Variants in TRPS1 observed in about 807,000 individuals in gnomAD.
TRPS1 encodes zinc finger transcription factor Trps1.
A neutral mutation model predicts 101.2 loss-of-function variants in TRPS1; 6 were observed. The observed-to-expected ratio is 0.06, with a 90% CI of 0.03 to 0.12. The LOEUF (loss-of-function observed/expected upper bound fraction) is 0.12, where lower values mean the gene tolerates loss of function less well. Among genes scored for constraint, TRPS1 ranks in the 10% least tolerant of loss-of-function variants. The pLI is 1.00. For missense variants in TRPS1, 1,363 were observed against 1,567.0 expected, an observed-to-expected ratio of 0.87 and a Z score of 2.20; for synonymous variants, 578 against 589.8, an observed-to-expected ratio of 0.98 and a Z score of 0.29.
At chr8:115,548,801 TTCTCAGTATA>T (rs1197937731) in intron 5 of TRPS1, among the ~76,000 whole-genome samples, 1 of 152,244 alleles carries the variant, frequency 6.6e-6, no homozygotes, top group Non-Finnish European at 1.5e-5. Flanking sequence ...ATGAAAAATA[TTCTCAGTATA>T]ATCTGTGCTG....
At chr8:115,415,469 A>G (rs1029191362) in intron 6 of TRPS1, among the ~76,000 whole-genome samples, 2 of 152,194 alleles carry the variant, frequency 1.3e-5, no homozygotes, top group African/African-American at 4.8e-5. Flanking sequence ...GCCAGCATAT[A>G]AGAGTAACAC....
chr8:115,487,803 T>C (rs1011101154), intron 5 of TRPS1, among the ~76,000 whole-genome samples: 1 of 152,126 alleles, frequency 6.6e-6, no homozygotes, highest in Non-Finnish European at 1.5e-5. Context: ...AAAAAAGTGG[T>C]TTCTAAGAAG....
chr8:115,619,777 T>C lies in TRPS1; in HGVS notation c.321A>G (p.Gly107=). 3 of 1,614,210 alleles carry C rather than the reference T, an allele frequency of 1.9e-6. No individual in the cohort carries two copies. Among genetic ancestry groups the C allele is most frequent in the Non-Finnish European group, 2.5e-6 (3 of 1,180,022 alleles). The change falls in exon 3 of 7, where the codon GGA becomes GGG. Residue 107 remains glycine (G), a synonymous_variant. Coordinates refer to ENST00000395715, the MANE Select transcript of TRPS1 (RefSeq NM_014112.5). ...CATGCGGAAAGGAGGGAAAGTTTCC[T>C]CCCTTACTGGGGCTTTCATAATTGA... ...AGFNYESPSK[G]GNFPSFPHDE...
At chr8:115,647,040 A>C (rs539184830) in intron 1 of TRPS1, among the ~76,000 whole-genome samples, 1 of 152,186 alleles carries the variant, frequency 6.6e-6, no homozygotes, top group South Asian at 2.1e-4. Context: ...CGAAGAAATC[A>C]AGAGATAAAT....
At chr8:115,538,179 A>G (rs1816367401) in intron 5 of TRPS1, among the ~76,000 whole-genome samples, 1 of 152,342 alleles carries the variant, frequency 6.6e-6, no homozygotes, top group South Asian at 2.1e-4. Flanking sequence ...AGACAAGGAT[A>G]GACGGATTAG....
At chr8:115,658,203 T>C (rs1026892207) in intron 1 of TRPS1, among the ~76,000 whole-genome samples, 3 of 151,996 alleles carry the variant, frequency 2.0e-5, no homozygotes, top group African/African-American at 7.2e-5. Context: ...AAGGAAGAAA[T>C]CTAGTTGTGC....
intron 1 of TRPS1, among the ~76,000 whole-genome samples, chr8:115,662,414 C>T (rs973259287): frequency 3.3e-5 from 5 of 151,820 alleles, no homozygotes; most frequent in African/African-American, 9.7e-5. Context: ...AGATTTAAAC[C>T]TCAGGAACAA....
intron 5 of TRPS1, among the ~76,000 whole-genome samples, chr8:115,517,044 T>C (rs1266701897): frequency 1.3e-5 from 2 of 151,598 alleles, no homozygotes; most frequent in Non-Finnish European, 1.5e-5. Flanking sequence ...ACATTGCTAA[T>C]GCAAGAAGTA....
rs1812981954 is a variant in TRPS1, at chr8:115,418,708, G to A, written c.2701-256C>T. 6.6e-6 allele frequency among the ~76,000 whole-genome samples: 1 copy of A among 152,148 alleles called. No individual in the cohort carries two copies. The highest frequency in any genetic ancestry group is 1.5e-5 in the Non-Finnish European group (1 of 68,026). On this transcript the variant is annotated intron_variant, in intron 5 of 6. Transcript: ENST00000395715. This position sits in a 1 kb window ranked among gnomAD's most constrained non-coding sequence, Gnocchi z 4.3. ...ACAGCTTTAACTTTTTGAACTTTGG[G>A]TTTTATGGCTTTAATGATGGCTCCT...
At chr8:115,637,201 GAGA>G (rs1245210266) in intron 1 of TRPS1, 1 of 949,084 alleles carries the variant, frequency 1.1e-6, no homozygotes, top group Non-Finnish European at 1.3e-6. Flanking sequence ...TCAAGAAACA[GAGA>G]AGAAGCTAGG....
At chr8:115,583,973 C>G (rs1270975424) in intron 5 of TRPS1, among the ~76,000 whole-genome samples, 8 of 151,852 alleles carry the variant, frequency 5.3e-5, no homozygotes. Context: ...TCTTGTGATT[C>G]TTATATTTCC....
At chr8:115,544,897 G>C (rs537017607) in intron 5 of TRPS1, among the ~76,000 whole-genome samples, 1 of 151,824 alleles carries the variant, frequency 6.6e-6, no homozygotes, top group African/African-American at 2.4e-5. Flanking sequence ...AAAAAAGCAA[G>C]ATATAACTTT....
At position 115,475,266 on chromosome 8, in the gene TRPS1, T is replaced by TTATATATATATATA. The variant is rs33922102; in HGVS notation, c.2701-56828_2701-56815dup. On this transcript the variant is annotated intron_variant, in intron 5 of 6. Coordinates refer to ENST00000395715, the MANE Select transcript of TRPS1 (RefSeq NM_014112.5). ...TTTACTATATATTTTTGAATCACAGTTATATATATATATATATATATATAT... is the reference window on the plus strand; with the variant it reads ...TTTACTATATATTTTTGAATCACAGTTATATATATATATATATATATATATATATATATATATAT... 3.3e-3 allele frequency among the ~76,000 whole-genome samples: 410 copies of TTATATATATATATA among 123,914 alleles called. 10 individuals are homozygous for TTATATATATATATA. Among genetic ancestry groups the TTATATATATATATA allele is most frequent in the African/African-American group, 0.013 (383 of 28,856 alleles). 81.3% of individuals were successfully genotyped at this position (123,914 alleles called of 152,430 possible). A position where few individuals can be genotyped will look rare whatever the true frequency, so the allele number is the denominator to read the frequency against.
intron 1 of TRPS1, among the ~76,000 whole-genome samples, chr8:115,641,383 T>C (rs1185718039): frequency 6.6e-6 from 1 of 152,214 alleles, no homozygotes; most frequent in Non-Finnish European, 1.5e-5. Context: ...GCAAATACAC[T>C]AGTGGGTGCC....
intron 5 of TRPS1, among the ~76,000 whole-genome samples, chr8:115,440,590 A>C (rs1048338491): frequency 6.6e-6 from 1 of 152,258 alleles, no homozygotes; most frequent in African/African-American, 2.4e-5. Flanking sequence ...ATAGATGTTT[A>C]CATTTCTATA....
intron 4 of TRPS1, among the ~76,000 whole-genome samples, chr8:115,593,265 T>C (rs1817717209): frequency 1.3e-5 from 2 of 152,240 alleles, no homozygotes; most frequent in African/African-American, 4.8e-5. Context: ...TATCATTGTT[T>C]GGAGATTGTC....
At chr8:115,562,688 G>A (rs954211792) in intron 5 of TRPS1, among the ~76,000 whole-genome samples, 2 of 151,766 alleles carry the variant, frequency 1.3e-5, no homozygotes, top group South Asian at 2.1e-4. Context: ...AAGACACTGC[G>A]CTGATAAGAT....
At chr8:115,509,984 C>T (rs1815542433) in intron 5 of TRPS1, among the ~76,000 whole-genome samples, 1 of 151,980 alleles carries the variant, frequency 6.6e-6, no homozygotes, top group East Asian at 1.9e-4. Flanking sequence ...ACATTTTTCT[C>T]ATTTGTAAAC....
At position 115,619,441 on chromosome 8, in the gene TRPS1, C is replaced by T; in HGVS notation, c.657G>A (p.Val219=). The change falls in exon 3 of 7, where the codon GTG becomes GTA. Residue 219 remains valine, a synonymous_variant. Transcript: ENST00000395715. ...RLNKSKTDLL[V]NDNPDPAPLS... is the part of the protein sequence containing the mutation. ...GAGGTGCCGGGTCTGGGTTGTCATT[C>T]ACCAGTAAGTCAGTTTTGGATTTAT... 1 of 1,614,210 alleles carries T rather than the reference C, an allele frequency of 6.2e-7. No homozygotes were observed.
Sources: allele counts gnomAD v4.1 joint callset (sites outside exome capture counted in the v4.1 genomes callset), GRCh38; gene constraint gnomAD v4.1.1; non-coding constraint Gnocchi (gnomAD v3.1); transcripts MANE v1.5; gene names NCBI Gene and HGNC (gene_info 2026-07-23, HGNC 2026-07-21).